Variants in SRL observed in about 807,000 individuals in gnomAD.
The protein encoded by SRL is sarcalumenin.
SRL carries 23 observed loss-of-function variants against 39.5 expected under a neutral mutation model. The observed-to-expected ratio is 0.58, with a 90% CI of 0.42 to 0.82. The LOEUF is 0.82. SRL is among the 40% of genes least tolerant of loss of function. The pLI, the probability that SRL is intolerant of heterozygous loss-of-function variation, is 0.00. For missense variants in SRL, 592 were observed against 607.8 expected (o/e 0.97, Z 0.27); for synonymous variants, 272 against 237.4 (o/e 1.15, Z -1.34).
At chr16:4,200,285 G>C (rs1402970074) in intron 3 of SRL, among the ~76,000 whole-genome samples, 3 of 152,228 alleles carry the variant, frequency 2.0e-5, no homozygotes, top group Non-Finnish European at 4.4e-5. Flanking sequence ...TACAGCCACA[G>C]AGATGTCACA....
intron 1 of SRL, among the ~76,000 whole-genome samples, chr16:4,210,992 T>G (rs1238612300): frequency 6.6e-6 from 1 of 152,102 alleles, no homozygotes. Context: ...GTGATTCCTG[T>G]GCACATTACA....
At chr16:4,212,699 C>A (rs1010083012) in intron 1 of SRL, among the ~76,000 whole-genome samples, 2 of 152,190 alleles carry the variant, frequency 1.3e-5, no homozygotes, top group Non-Finnish European at 2.9e-5. Context: ...CAGGCCCCAA[C>A]TCTGCCCAGA....
intron 3 of SRL, among the ~76,000 whole-genome samples, chr16:4,199,755 G>A (rs1446562411): frequency 7.3e-6 from 1 of 136,932 alleles, no homozygotes; most frequent in Non-Finnish European, 1.5e-5. Flanking sequence ...AGAGTGCAGT[G>A]GCACAATCTC....
chr16:4,203,085 G>T, intron 3 of SRL, 81 bp downstream of exon 3: 1 of 1,240,278 alleles, frequency 8.1e-7, no homozygotes, highest in Non-Finnish European at 1.2e-6. Context: ...GGAGAGTCCA[G>T]GCCGGTCAGC....
intron 1 of SRL, among the ~76,000 whole-genome samples, chr16:4,211,414 A>AATG (rs1207026626): frequency 6.6e-6 from 1 of 150,622 alleles, no homozygotes; most frequent in African/African-American, 2.4e-5. Context: ...GTTGTCCTTC[A>AATG]ATGATGATGG....
At chr16:4,193,308 T>C (rs759884907) in intron 5 of SRL, among the ~76,000 whole-genome samples, 1 of 152,136 alleles carries the variant, frequency 6.6e-6, no homozygotes, top group Non-Finnish European at 1.5e-5. Context: ...GCTGGGGTAA[T>C]AGGCGTGAGC....
rs145033671 is a variant in SRL, at chr16:4,234,831, C to G, written c.61+7176G>C. Among the ~76,000 whole-genome samples the G allele has an allele frequency of 1.1e-3, 165 of 152,358 alleles. 1 individual carries two copies. Among genetic ancestry groups the G allele is most frequent in the African/African-American group, 3.7e-3 (154 of 41,574 alleles). On this transcript the variant is annotated intron_variant, in intron 1 of 5. Transcript: ENST00000399609. ...AAACCCCTGCTATGTAGCTCAGTCC[C>G]TCTGCGCTCAGAACCGGTGAACTAT...
rs1005253744 is a variant in SRL, at chr16:4,190,229, C to T, written c.*1924G>A. 9 of 398,612 alleles carry T rather than the reference C, an allele frequency of 2.3e-5. No individual in the cohort carries two copies. Among genetic ancestry groups the T allele is most frequent in the Non-Finnish European group, 4.0e-5 (9 of 226,196 alleles). 24.7% of individuals were successfully genotyped at this position (398,612 alleles called of 1,614,324 possible). On this transcript the variant is annotated 3_prime_UTR_variant, in exon 6 of 6. Coordinates refer to ENST00000399609, the MANE Select transcript of SRL (RefSeq NM_001098814.2). ...TTCTGAGAACCGGGAATTCCTAACTCGAGGTTCTCCTCATAGACCTAACCT... is the reference window on the plus strand; with the variant it reads ...TTCTGAGAACCGGGAATTCCTAACTTGAGGTTCTCCTCATAGACCTAACCT...
chr16:4,197,761 C>T, intron 4 of SRL, 38 bp downstream of exon 4: 2 of 1,396,088 alleles, frequency 1.4e-6, no homozygotes, highest in Non-Finnish European at 1.0e-6. Context: ...TTACATACAA[C>T]ATTCAAATCC....
At chr16:4,229,638 G>A (rs993988511) in intron 1 of SRL, among the ~76,000 whole-genome samples, 2 of 151,952 alleles carry the variant, frequency 1.3e-5, no homozygotes, top group East Asian at 1.9e-4. Context: ...AGATGGGGGA[G>A]TGAGAAAGAG....
chr16:4,213,063 G>C (rs1261179581), intron 1 of SRL, among the ~76,000 whole-genome samples: 1 of 152,264 alleles, frequency 6.6e-6, no homozygotes, highest in East Asian at 1.9e-4. Flanking sequence ...GGGTGGGACA[G>C]AGTCCAAATA....
At chr16:4,216,217 C>A (rs1010632891) in intron 1 of SRL, among the ~76,000 whole-genome samples, 14 of 152,044 alleles carry the variant, frequency 9.2e-5, no homozygotes, top group East Asian at 1.9e-4. Context: ...TCACTGATGC[C>A]TGGAGGAGTC....
intron 1 of SRL, among the ~76,000 whole-genome samples, chr16:4,208,393 C>T (rs1315393735): frequency 1.3e-5 from 2 of 152,148 alleles, no homozygotes; most frequent in East Asian, 1.9e-4. Flanking sequence ...GAACCGCCCC[C>T]GCACCGCGAC....
intron 1 of SRL, among the ~76,000 whole-genome samples, chr16:4,228,719 A>T (rs1435460208): frequency 6.6e-6 from 1 of 151,802 alleles, no homozygotes; most frequent in Non-Finnish European, 1.5e-5. Context: ...TGGGTGACAG[A>T]GCAAGACTCC....
At chr16:4,213,404 C>CTTTTTCTTTTTTTTTTTT (rs1237775177) in intron 1 of SRL, among the ~76,000 whole-genome samples, 1 of 69,584 alleles carries the variant, frequency 1.4e-5, no homozygotes, top group Non-Finnish European at 2.6e-5. Flanking sequence ...TTTTCTTTTT[C>CTTTTTCTTTTTTTTTTTT]TTTTTTTTTT....
rs1597280662 is a variant in SRL, at chr16:4,211,596, T to A, written c.62-6962A>T. ...ATGATGATGATGGTGATGATGGTGA[T>A]GGTGATGACCGTGCCGATGATGAGG... On this transcript the variant is annotated intron_variant, in intron 1 of 5. Coordinates refer to ENST00000399609, the MANE Select transcript of SRL (RefSeq NM_001098814.2). Among the ~76,000 whole-genome samples, 5 of 146,068 alleles carry A rather than the reference T, an allele frequency of 3.4e-5. 1 individual carries two copies. The highest frequency in any genetic ancestry group is 7.5e-5 in the Non-Finnish European group (5 of 66,614).
At chr16:4,235,961 G>T (rs1047459918) in intron 1 of SRL, among the ~76,000 whole-genome samples, 1 of 151,766 alleles carries the variant, frequency 6.6e-6, no homozygotes, top group Non-Finnish European at 1.5e-5. Flanking sequence ...TGTAGTCCTG[G>T]CTACTCGGGA....
chr16:4,203,396 C>G (rs995307962), intron 2 of SRL, 135 bp from the exon 3 acceptor site: 1 of 669,764 alleles, frequency 1.5e-6, no homozygotes, highest in African/African-American at 1.8e-5. Flanking sequence ...TGCAGCCCAG[C>G]GACTGTGCAA....
At chr16:4,213,877 G>A (rs1237633245) in intron 1 of SRL, among the ~76,000 whole-genome samples, 1 of 152,174 alleles carries the variant, frequency 6.6e-6, no homozygotes, top group African/African-American at 2.4e-5. Flanking sequence ...CTCTTGAAAT[G>A]AGGAAACAAA....
Sources: gnomAD v4.1 joint callset for allele counts (sites outside exome capture counted in the v4.1 genomes callset) on GRCh38, gnomAD v4.1.1 for gene constraint, MANE v1.5 for transcripts, NCBI Gene and HGNC (gene_info 2026-07-23, HGNC 2026-07-21) for gene names.